Variants in NEBL observed in about 807,000 individuals in gnomAD.
The protein encoded by NEBL is nebulette, also known as LIM and SH3 protein 2.
A neutral mutation model predicts 140.2 loss-of-function variants in NEBL; 122 were observed. That is an observed-to-expected ratio of 0.87 (90% CI 0.75 to 1.01). The LOEUF (loss-of-function observed/expected upper bound fraction) is 1.01. Ranked by LOEUF, NEBL falls within the 50% of genes least tolerant of loss-of-function variation. The pLI is 0.00. For missense variants in NEBL, 1,365 were observed against 1,231.3 expected, an observed-to-expected ratio of 1.11 and a Z score of -1.62; for synonymous variants, 436 against 398.9, an observed-to-expected ratio of 1.09 and a Z score of -1.11.
intron 14 of NEBL, among the ~76,000 whole-genome samples, chr10:20,832,268 T>A (rs1840488276): frequency 6.6e-6 from 1 of 152,224 alleles, no homozygotes; most frequent in South Asian, 2.1e-4. Flanking sequence ...CATGCATCTT[T>A]TTTTCCATAT....
intron 26 of NEBL, among the ~76,000 whole-genome samples, chr10:20,796,161 C>T (rs894358041): frequency 6.6e-6 from 1 of 151,732 alleles, no homozygotes; most frequent in Non-Finnish European, 1.5e-5. Flanking sequence ...GTCAGGAGTT[C>T]GAGACCAGCC....
In NEBL at chr10:20,914,912, C is replaced by A. The variant is rs114348887; in HGVS notation, c.357+46760G>T. On this transcript the variant is annotated intron_variant, in intron 4 of 6. Coordinates refer to the NEBL transcript ENST00000417816. Reference sequence around the variant, plus strand: ...TCACTCTGTCACCCAGGCCGGAATGCAGTGGCACAATCTTGACTCATGCAA... The same window carrying A: ...TCACTCTGTCACCCAGGCCGGAATGAAGTGGCACAATCTTGACTCATGCAA... Among the ~76,000 whole-genome samples the A allele has an allele frequency of 8.3e-3, 1,251 of 150,648 alleles. 9 individuals carry two copies. The highest frequency in any genetic ancestry group is 0.029 in the African/African-American group (1,177 of 40,994).
At chr10:21,117,947 C>T (rs769152327) in intron 2 of NEBL, among the ~76,000 whole-genome samples, 5 of 152,054 alleles carry the variant, frequency 3.3e-5, no homozygotes, top group Non-Finnish European at 7.4e-5. Context: ...TTACCTACCT[C>T]GGGGATATAG....
At chr10:21,026,545 G>T (rs913872066) in intron 2 of NEBL, among the ~76,000 whole-genome samples, 1 of 152,040 alleles carries the variant, frequency 6.6e-6, no homozygotes, top group Non-Finnish European at 1.5e-5. Flanking sequence ...ATTCTAAATC[G>T]ATTATATCCA....
chr10:21,005,835 CTTTTTT>C (rs545656082), intron 3 of NEBL, among the ~76,000 whole-genome samples: 1 of 143,674 alleles, frequency 7.0e-6, no homozygotes, highest in African/African-American at 2.5e-5. Flanking sequence ...CATACTAACA[CTTTTTT>C]TTTTTTTTAA....
chr10:20,828,153 G>A (rs763003954), intron 17 of NEBL, among the ~76,000 whole-genome samples: 1 of 151,926 alleles, frequency 6.6e-6, no homozygotes, highest in Admixed American at 6.6e-5. Flanking sequence ...TATTAAGAAT[G>A]AGTAAATGGT....
At chr10:21,107,582 G>C (rs1233758850) in intron 2 of NEBL, among the ~76,000 whole-genome samples, 1 of 152,176 alleles carries the variant, frequency 6.6e-6, no homozygotes, top group East Asian at 1.9e-4. Context: ...GTATTTTATT[G>C]AGGATTTTTG....
At chr10:21,189,587 C>T (rs1336783497) in intron 3 of NEBL, among the ~76,000 whole-genome samples, 1 of 152,224 alleles carries the variant, frequency 6.6e-6, no homozygotes, top group Non-Finnish European at 1.5e-5. Context: ...GCCTCAGCCT[C>T]CCGAGTAGCT....
At chr10:21,006,652 AAGG>A (rs1838150749) in intron 3 of NEBL, among the ~76,000 whole-genome samples, 1 of 152,234 alleles carries the variant, frequency 6.6e-6, no homozygotes, top group South Asian at 2.1e-4. Flanking sequence ...AACTTTTCCA[AAGG>A]AGGAGTTGCA....
At chr10:21,011,157 T>C (rs1403302685) in intron 3 of NEBL, among the ~76,000 whole-genome samples, 2 of 152,156 alleles carry the variant, frequency 1.3e-5, no homozygotes, top group Non-Finnish European at 2.9e-5. Context: ...AACCTACATC[T>C]TATGCCCTGA....
intron 3 of NEBL, among the ~76,000 whole-genome samples, chr10:21,236,335 C>G (rs147375170): frequency 0.017 from 2,463 of 148,738 alleles, 66 homozygotes; most frequent in African/African-American, 0.057. Flanking sequence ...TTATTTTATT[C>G]CTTTTTTTAA....
chr10:21,249,220 T>G (rs1362270261), intron 2 of NEBL, among the ~76,000 whole-genome samples: 1 of 152,158 alleles, frequency 6.6e-6, no homozygotes, highest in African/African-American at 2.4e-5. Context: ...TGTTTGGTAC[T>G]TTTTGTCGTT....
chr10:21,035,072 C>T (rs1431901066), intron 2 of NEBL, among the ~76,000 whole-genome samples: 2 of 151,960 alleles, frequency 1.3e-5, no homozygotes, highest in Non-Finnish European at 2.9e-5. Flanking sequence ...AATCTCAACT[C>T]GCTGTAACCT....
intron 3 of NEBL, among the ~76,000 whole-genome samples, chr10:21,181,031 G>A (rs1420610433): frequency 1.3e-5 from 2 of 152,066 alleles, no homozygotes; most frequent in Non-Finnish European, 2.9e-5. Context: ...GGAGGCCAAG[G>A]CAGGCAGATC....
intron 3 of NEBL, among the ~76,000 whole-genome samples, chr10:21,189,528 G>A (rs1022324884): frequency 5.9e-5 from 9 of 152,056 alleles, no homozygotes; most frequent in East Asian, 3.9e-4. Flanking sequence ...GCAGGGGCAC[G>A]ATCTCTGCTC....
intron 2 of NEBL, among the ~76,000 whole-genome samples, chr10:21,121,830 A>T (rs997148013): frequency 1.3e-5 from 2 of 152,220 alleles, no homozygotes; most frequent in Admixed American, 1.3e-4. Context: ...GGATACCAAA[A>T]TGAAGTGATA....
rs773030246 is a variant in NEBL at position 20,812,887 on chromosome 10, G to T, written c.2400C>A (p.Val800=). The T allele has an allele frequency of 1.2e-6, 2 of 1,613,846 alleles. No homozygotes were observed. The highest frequency in any genetic ancestry group is 1.3e-5 in the African/African-American group (1 of 74,890). ...CTCTCTCTGTCACAGGATCGTCCAC[G>T]ACGGGAGTAAAGCCTCTCCCCTTTG... ...EKTKGRGFTP[V]VDDPVTERVR... The change falls in exon 24 of 28, where the codon GTC becomes GTA. Residue 800 remains valine (V), a synonymous_variant. Transcript: ENST00000377122.
intron 5 of NEBL, among the ~76,000 whole-genome samples, chr10:20,880,292 A>G (rs914777824): frequency 1.3e-5 from 2 of 152,178 alleles, no homozygotes. Flanking sequence ...CCCGGCAGGC[A>G]GAGGTTGCAG....
intron 2 of NEBL, among the ~76,000 whole-genome samples, chr10:21,021,237 T>C (rs1321281651): frequency 6.6e-6 from 1 of 152,226 alleles, no homozygotes; most frequent in Non-Finnish European, 1.5e-5. Context: ...CTTGACTCCA[T>C]TTTTTAATTG....
Sources: allele counts gnomAD v4.1 joint callset (sites outside exome capture counted in the v4.1 genomes callset), GRCh38; gene constraint gnomAD v4.1.1; transcripts MANE v1.5; gene names NCBI Gene and HGNC (gene_info 2026-07-23, HGNC 2026-07-21).